DTD1: variants seen among roughly 807,000 people sequenced by gnomAD.
The protein encoded by DTD1 is D-tyrosyl-tRNA deacylase 1 homolog.
In DTD1, 13 loss-of-function variants were observed where a neutral mutation model predicts 25.6. That is an observed-to-expected ratio of 0.51 (90% CI 0.33 to 0.81). The LOEUF (loss-of-function observed/expected upper bound fraction) is 0.81, where lower values mean the gene tolerates loss of function less well. Among genes scored for constraint, DTD1 ranks in the 30% least tolerant of loss-of-function variants. The probability of loss-of-function intolerance (pLI) is 0.02; values close to 1 mark genes in which losing one functional copy is unlikely to be tolerated. For synonymous variants in DTD1, 110 were observed against 103.6 expected (o/e 1.06, Z -0.37); for missense variants, 193 against 266.4 (o/e 0.72, Z 1.92).
rs865800234 is a variant in DTD1 at position 18,708,354 on chromosome 20, C to A, written c.478-35746C>A. Among the ~76,000 whole-genome samples the A allele has an allele frequency of 1.0e-3, 64 of 61,460 alleles. 1 individual carries two copies. Among genetic ancestry groups the A allele is most frequent in the African/African-American group, 3.3e-3 (55 of 16,842 alleles). The allele number at this position is 61,460 out of a possible 152,430, so 40.3% of individuals were successfully genotyped here. A position where few individuals can be genotyped will look rare whatever the true frequency, so the allele number is the denominator to read the frequency against. ...TATATTTTATATATATATTATATAT[C>A]TATATATATATTTTTTTTTGATACA... On this transcript the variant is annotated intron_variant, in intron 4 of 5. Coordinates refer to ENST00000377452, the MANE Select transcript of DTD1 (RefSeq NM_080820.6).
chr20:18,666,118 C>T (rs1280288067), intron 4 of DTD1, among the ~76,000 whole-genome samples: 1 of 152,148 alleles, frequency 6.6e-6, no homozygotes, highest in Non-Finnish European at 1.5e-5. Context: ...TCAGCCTTTC[C>T]TTGTTTTTCA....
chr20:18,738,900 C>T (rs2065761652), intron 4 of DTD1, among the ~76,000 whole-genome samples: 1 of 152,236 alleles, frequency 6.6e-6, no homozygotes, highest in South Asian at 2.1e-4. Context: ...GGATCCCTAA[C>T]AGGTGACACA....
chr20:18,597,020 G>T (rs1326331665), intron 3 of DTD1, among the ~76,000 whole-genome samples: 2 of 151,978 alleles, frequency 1.3e-5, no homozygotes, highest in African/African-American at 4.8e-5. Context: ...ATAATGACAT[G>T]TGTCTACCAT....
chr20:18,697,028 C>A (rs1228462238), intron 4 of DTD1, among the ~76,000 whole-genome samples: 1 of 151,466 alleles, frequency 6.6e-6, no homozygotes, highest in Non-Finnish European at 1.5e-5. Context: ...GTCAGGAGAT[C>A]ACGACCATCC....
chr20:18,616,701 A>G (rs1034394408), intron 3 of DTD1, among the ~76,000 whole-genome samples: 4 of 152,174 alleles, frequency 2.6e-5, no homozygotes, highest in Non-Finnish European at 5.9e-5. Context: ...CAGCTAATTG[A>G]GAGGCTGAGG....
rs1002454973 is a variant in DTD1 at position 18,749,497 on chromosome 20, G to T, written c.*19+5226G>T. Among the ~76,000 whole-genome samples, 2 of 152,154 alleles carry T rather than the reference G, an allele frequency of 1.3e-5. No homozygotes were observed. The highest frequency in any genetic ancestry group is 2.9e-5 in the Non-Finnish European group (2 of 68,002). On this transcript the variant is annotated intron_variant, in intron 5 of 5. Coordinates refer to ENST00000377452, the MANE Select transcript of DTD1 (RefSeq NM_080820.6). This position sits in a 1 kb window ranked among gnomAD's most constrained non-coding sequence, Gnocchi z 4.2. ...CTTCATTAGGAGGTTGGGGGTCATG[G>T]CCTCAGCTCTTCATAGCACTGACAG...
At chr20:18,591,655 A>G (rs1286472990) in intron 1 of DTD1, among the ~76,000 whole-genome samples, 3 of 152,328 alleles carry the variant, frequency 2.0e-5, no homozygotes, top group South Asian at 2.1e-4. Flanking sequence ...TTTCTAAAAT[A>G]TATAATCCTT....
At chr20:18,615,913 T>C (rs2060707254) in intron 3 of DTD1, among the ~76,000 whole-genome samples, 1 of 152,216 alleles carries the variant, frequency 6.6e-6, no homozygotes, top group Non-Finnish European at 1.5e-5. Flanking sequence ...GAAGACCACG[T>C]CTAAGTTTTT....
intron 4 of DTD1, chr20:18,698,351 A>G (rs912461532): frequency 2.6e-5 from 4 of 152,204 alleles, no homozygotes; most frequent in Non-Finnish European, 4.4e-5. Flanking sequence ...ACCCTTTAAC[A>G]TCTTCTATTA....
intron 4 of DTD1, among the ~76,000 whole-genome samples, chr20:18,655,512 G>C (rs1340916423): frequency 1.3e-5 from 2 of 152,158 alleles, no homozygotes; most frequent in Non-Finnish European, 2.9e-5. Flanking sequence ...TAAGTAGAGG[G>C]GGTAGTATAA....
chr20:18,613,569 C>G (rs2060696832), intron 3 of DTD1, among the ~76,000 whole-genome samples: 1 of 152,202 alleles, frequency 6.6e-6, no homozygotes, highest in Admixed American at 6.5e-5. Flanking sequence ...GTCTGGCTCT[C>G]CTTGTCTGAG....
intron 4 of DTD1, among the ~76,000 whole-genome samples, chr20:18,743,062 T>C (rs6112082): frequency 0.83 from 126,076 of 152,074 alleles, 53,371 homozygotes; most frequent in Non-Finnish European, 0.93. Flanking sequence ...CTCAGCAGGC[T>C]TTCCTGTAGT....
At chr20:18,711,461 G>A (rs558263544) in intron 4 of DTD1, among the ~76,000 whole-genome samples, 1 of 152,046 alleles carries the variant, frequency 6.6e-6, no homozygotes, top group Non-Finnish European at 1.5e-5. Flanking sequence ...TTGTTTCCTG[G>A]CCTTTGTTGC....
chr20:18,611,833 C>T (rs562174971), intron 3 of DTD1, among the ~76,000 whole-genome samples: 10 of 152,066 alleles, frequency 6.6e-5, no homozygotes, highest in Admixed American at 3.9e-4. Context: ...TTGGTCCTCA[C>T]GCATGTTTTT....
At chr20:18,739,725 C>CT (rs1433776835) in intron 4 of DTD1, among the ~76,000 whole-genome samples, 1 of 149,172 alleles carries the variant, frequency 6.7e-6, no homozygotes, top group East Asian at 2.0e-4. Flanking sequence ...TTTTCTTCTT[C>CT]TTTTTTCTCA....
At chr20:18,620,575 A>G (rs935795137) in intron 3 of DTD1, among the ~76,000 whole-genome samples, 1 of 151,782 alleles carries the variant, frequency 6.6e-6, no homozygotes, top group African/African-American at 2.4e-5. Context: ...TACAGCTTTC[A>G]TAGGCTGACT....
intron 4 of DTD1, among the ~76,000 whole-genome samples, chr20:18,725,144 T>C (rs2061218601): frequency 6.6e-6 from 1 of 152,268 alleles, no homozygotes; most frequent in South Asian, 2.1e-4. Flanking sequence ...CAGTCATATT[T>C]ATACTCACTT....
chr20:18,644,335 G>A (rs2060842419), intron 4 of DTD1, among the ~76,000 whole-genome samples: 2 of 152,174 alleles, frequency 1.3e-5, no homozygotes, highest in South Asian at 2.1e-4. Context: ...TTCAATAAAT[G>A]GCTAAACTGG....
chr20:18,677,364 G>A (rs574884998), intron 4 of DTD1, among the ~76,000 whole-genome samples: 6 of 152,146 alleles, frequency 3.9e-5, no homozygotes, highest in Admixed American at 3.9e-4. Context: ...AGTTATGTAG[G>A]GAACAGTTCG....
Sources: allele counts gnomAD v4.1 joint callset (sites outside exome capture counted in the v4.1 genomes callset), GRCh38; gene constraint gnomAD v4.1.1; non-coding constraint Gnocchi (gnomAD v3.1); transcripts MANE v1.5; gene names NCBI Gene and HGNC (gene_info 2026-07-23, HGNC 2026-07-21).